SOX6: variants seen among roughly 807,000 people sequenced by gnomAD.
SOX6 encodes transcription factor SOX-6.
A neutral mutation model predicts 97.8 loss-of-function variants in SOX6; 11 were observed. The ratio of observed to expected loss-of-function variants is 0.11; its 90% confidence interval spans 0.07 to 0.19. The LOEUF is 0.19. SOX6 is among the 10% of genes least tolerant of loss of function. SOX6 has a pLI of 1.00. For synonymous variants in SOX6, 360 were observed against 371.4 expected, an observed-to-expected ratio of 0.97 and a Z score of 0.35; for missense variants, 810 against 1,039.5, an observed-to-expected ratio of 0.78 and a Z score of 3.04.
chr11:16,137,532 G>A (rs949797836), intron 6 of SOX6, among the ~76,000 whole-genome samples: 1 of 152,174 alleles, frequency 6.6e-6, no homozygotes. Context: ...AAAAGACGAG[G>A]CTGAGATAAT....
Position 16,605,396 on chromosome 11 carries a change from C to T in SOX6, n.609+6685G>A, listed in dbSNP as rs894257259. ...GTAAAGAGGACCACAGATCAGTCAG[C>T]CTTGGATTTCGGATGGGCTTGGAAT... On this transcript the variant is annotated intron_variant and non_coding_transcript_variant, in intron 4 of 5. Transcript: ENST00000524520. The surrounding 1 kb of genome is among the most constrained non-coding windows in gnomAD (Gnocchi z 5.3). 6.6e-6 allele frequency among the ~76,000 whole-genome samples: 1 copy of T among 152,120 alleles called. No homozygotes were observed. Among genetic ancestry groups the T allele is most frequent in the Non-Finnish European group, 1.5e-5 (1 of 68,000 alleles).
At chr11:16,162,843 C>T (rs1366684127) in intron 6 of SOX6, among the ~76,000 whole-genome samples, 1 of 151,862 alleles carries the variant, frequency 6.6e-6, no homozygotes, top group African/African-American at 2.4e-5. Flanking sequence ...ATTTTCCACG[C>T]TTTGTGGTTG....
At chr11:16,048,899 G>A (rs1414773049) in intron 11 of SOX6, among the ~76,000 whole-genome samples, 2 of 151,702 alleles carry the variant, frequency 1.3e-5, no homozygotes, top group Non-Finnish European at 2.9e-5. Context: ...ATGCTTATTC[G>A]GCACTGTCTT....
intron 4 of SOX6, among the ~76,000 whole-genome samples, chr11:16,611,604 G>C (rs1028630652): frequency 3.3e-5 from 5 of 152,250 alleles, no homozygotes; most frequent in African/African-American, 1.2e-4. Flanking sequence ...CTTCATTTAA[G>C]TTTGAAGTAA....
At chr11:16,651,941 A>C (rs1419386410) in intron 3 of SOX6, among the ~76,000 whole-genome samples, 2 of 152,206 alleles carry the variant, frequency 1.3e-5, no homozygotes, top group African/African-American at 4.8e-5. Context: ...ATTTATGTAC[A>C]CAAATCATTA....
At position 15,968,860 on chromosome 11, in the gene SOX6, C is replaced by T. The variant is rs942387007; in HGVS notation, c.*3949G>A. 1 of 152,128 alleles carries T rather than the reference C, an allele frequency of 6.6e-6. No homozygotes were observed. The highest frequency in any genetic ancestry group is 2.4e-5 in the African/African-American group (1 of 41,400). 9.4% of individuals were successfully genotyped at this position (152,128 alleles called of 1,614,324 possible). ...GTATCAAATACCTAATGAAGCAAAC[C>T]GAGGTGCTTCTAAAAGGCTGAGCTG... On this transcript the variant is annotated 3_prime_UTR_variant, in exon 16 of 16. Coordinates refer to ENST00000683767, the MANE Select transcript of SOX6 (RefSeq NM_001367873.1).
chr11:16,258,220 CAAAT>C (rs1197323549), intron 3 of SOX6, among the ~76,000 whole-genome samples: 2 of 151,948 alleles, frequency 1.3e-5, no homozygotes, highest in East Asian at 3.9e-4. Context: ...TGGTTTTTCT[CAAAT>C]AAAAACTTAT....
At chr11:16,670,768 C>T (rs1296393513) in intron 3 of SOX6, among the ~76,000 whole-genome samples, 1 of 152,174 alleles carries the variant, frequency 6.6e-6, no homozygotes, top group Non-Finnish European at 1.5e-5. Flanking sequence ...CTACTGAGGT[C>T]CCTTCCTCGG....
chr11:16,664,637 TG>T (rs1564863121), intron 3 of SOX6, among the ~76,000 whole-genome samples: 1 of 152,198 alleles, frequency 6.6e-6, no homozygotes, highest in East Asian at 1.9e-4. Flanking sequence ...CTATTATTCC[TG>T]GGCATGTCCT....
At chr11:16,420,312 G>A (rs551241305) in intron 1 of SOX6, among the ~76,000 whole-genome samples, 28 of 152,292 alleles carry the variant, frequency 1.8e-4, no homozygotes, top group African/African-American at 6.7e-4. Context: ...CTTTCCATGA[G>A]TATTTGAGAT....
chr11:15,993,140 A>G (rs573554007), intron 13 of SOX6, among the ~76,000 whole-genome samples: 10 of 152,320 alleles, frequency 6.6e-5, no homozygotes, highest in African/African-American at 2.2e-4. Flanking sequence ...ATATATCTGG[A>G]AAACCCTTAT....
At chr11:16,127,721 C>T (rs1849642050) in intron 6 of SOX6, among the ~76,000 whole-genome samples, 1 of 152,040 alleles carries the variant, frequency 6.6e-6, no homozygotes, top group Non-Finnish European at 1.5e-5. Flanking sequence ...CCACTTGGAA[C>T]TCTGAGTTAG....
intron 3 of SOX6, among the ~76,000 whole-genome samples, chr11:16,700,698 T>C (rs1848086129): frequency 6.6e-6 from 1 of 152,326 alleles, no homozygotes; most frequent in South Asian, 2.1e-4. Context: ...CCTGAACAAC[T>C]ATGACTCCTG....
intron 4 of SOX6, among the ~76,000 whole-genome samples, chr11:16,594,851 T>C (rs1473803347): frequency 6.6e-6 from 1 of 151,900 alleles, no homozygotes. Context: ...CCACCATGCC[T>C]GGATAATTTT....
chr11:16,588,849 C>T (rs955838698), intron 4 of SOX6, among the ~76,000 whole-genome samples: 7 of 151,984 alleles, frequency 4.6e-5, no homozygotes, highest in Non-Finnish European at 8.8e-5. Context: ...GGCGTTGTAG[C>T]AAGACACTGT....
chr11:16,523,476 CA>C (rs1341944565), intron 4 of SOX6, among the ~76,000 whole-genome samples: 1 of 151,792 alleles, frequency 6.6e-6, no homozygotes, highest in African/African-American at 2.4e-5. Flanking sequence ...GGGACACATT[CA>C]AAGCAGTGTG....
chr11:16,195,829 C>T (rs1459302481), intron 4 of SOX6, among the ~76,000 whole-genome samples: 2 of 152,168 alleles, frequency 1.3e-5, no homozygotes, highest in African/African-American at 4.8e-5. Flanking sequence ...ATGAGAAATA[C>T]ACTCAAATAT....
chr11:16,495,374 T>G (rs1399742209), intron 4 of SOX6, among the ~76,000 whole-genome samples: 1 of 152,178 alleles, frequency 6.6e-6, no homozygotes, highest in East Asian at 1.9e-4. Context: ...AGTGCCCATA[T>G]GTACCACCAA....
At chr11:16,126,020 T>C (rs372794765) in intron 6 of SOX6, among the ~76,000 whole-genome samples, 169 of 152,226 alleles carry the variant, frequency 1.1e-3, no homozygotes, top group African/African-American at 3.8e-3. Flanking sequence ...CACATGGTTA[T>C]TACAGAACAT....
Sources: gnomAD v4.1 joint callset for allele counts (sites outside exome capture counted in the v4.1 genomes callset) on GRCh38, gnomAD v4.1.1 for gene constraint, Gnocchi (gnomAD v3.1) non-coding constraint, MANE v1.5 for transcripts, NCBI Gene and HGNC (gene_info 2026-07-23, HGNC 2026-07-21) for gene names.